Variants in PCSK5 observed in about 807,000 individuals in gnomAD.
PCSK5 encodes the protein prohormone convertase 5.
PCSK5 carries 129 observed loss-of-function variants against 233.2 expected under a neutral mutation model. The ratio of observed to expected loss-of-function variants is 0.55; its 90% confidence interval spans 0.48 to 0.64. The LOEUF (loss-of-function observed/expected upper bound fraction) is 0.64, where lower values mean the gene tolerates loss of function less well. Ranked by LOEUF, PCSK5 falls within the 30% of genes least tolerant of loss-of-function variation. The pLI is 0.00. For synonymous variants in PCSK5, 825 were observed against 879.2 expected (o/e 0.94, Z 1.09); for missense variants, 2,076 against 2,430.1 (o/e 0.85, Z 3.06).
At chr9:76,204,022 A>G (rs1228307089) in intron 20 of PCSK5, among the ~76,000 whole-genome samples, 1 of 152,236 alleles carries the variant, frequency 6.6e-6, no homozygotes, top group Admixed American at 6.5e-5. Context: ...ATGACAACCC[A>G]TAAAAGTACT....
At chr9:75,966,433 G>T (rs184413747) in intron 2 of PCSK5, among the ~76,000 whole-genome samples, 5 of 152,314 alleles carry the variant, frequency 3.3e-5, no homozygotes, top group Admixed American at 3.3e-4. Context: ...AACTTTTTAA[G>T]ATCTACTTAC....
At chr9:75,941,955 A>T (rs1824324645) in intron 2 of PCSK5, among the ~76,000 whole-genome samples, 1 of 152,246 alleles carries the variant, frequency 6.6e-6, no homozygotes, top group East Asian at 1.9e-4. Context: ...TAAATTATTT[A>T]AAAAATGATT....
In PCSK5 at chr9:75,993,158, A is replaced by G. The variant is rs187922193; in HGVS notation, c.411+6913A>G. ...GGAAATCGACCTTTTAAGACACCCC[A>G]TTTAGCTGTTTTAATTGAAAATGCA... On this transcript the variant is annotated intron_variant, in intron 3 of 37. Transcript: ENST00000674117. 2.0e-4 allele frequency among the ~76,000 whole-genome samples: 30 copies of G among 152,092 alleles called. No homozygotes were observed. The East Asian group carries it at 4.1e-3, about 21-fold the overall frequency.
intron 5 of PCSK5, among the ~76,000 whole-genome samples, chr9:76,053,459 T>C (rs10118874): frequency 0.32 from 47,953 of 152,146 alleles, 9,506 homozygotes; most frequent in African/African-American, 0.57. Context: ...ATTGCTTCGT[T>C]AGGCTGCAGA....
intron 5 of PCSK5, among the ~76,000 whole-genome samples, chr9:76,034,217 T>C (rs777146446): frequency 6.6e-6 from 1 of 152,028 alleles, no homozygotes; most frequent in Non-Finnish European, 1.5e-5. Context: ...TTCATACCAA[T>C]TAATTCCTCC....
intron 24 of PCSK5, among the ~76,000 whole-genome samples, chr9:76,261,932 A>G (rs1827186350): frequency 6.6e-6 from 1 of 152,200 alleles, no homozygotes; most frequent in Non-Finnish European, 1.5e-5. Flanking sequence ...TTCTAGATAT[A>G]CAATCATGTC....
intron 2 of PCSK5, among the ~76,000 whole-genome samples, chr9:75,940,137 G>A (rs1824232661): frequency 6.6e-6 from 1 of 152,172 alleles, no homozygotes; most frequent in Admixed American, 6.5e-5. Context: ...TCCAATCAAA[G>A]AGGCTTCACC....
In PCSK5 at chr9:76,308,638, C is replaced by T. The variant is rs368204950; in HGVS notation, c.3605-7C>T. On this transcript the variant is annotated splice_polypyrimidine_tract_variant and splice_region_variant and intron_variant, in intron 28 of 37. Transcript: ENST00000674117. ...GAAGCCTGAACTGTTGTTTCTTTCT[C>T]ATACAGATATTTTGAGAAAACTCCA... 284 of 1,556,386 alleles carry T rather than the reference C, an allele frequency of 1.8e-4. 2 individuals are homozygous for T. In the African/African-American group the frequency reaches 3.7e-3, roughly 20 times the overall value.
intron 10 of PCSK5, among the ~76,000 whole-genome samples, chr9:76,142,144 A>C (rs910336769): frequency 3.9e-5 from 6 of 151,934 alleles, no homozygotes; most frequent in Non-Finnish European, 7.4e-5. Flanking sequence ...AGTTAAAAAA[A>C]GTAATGTTTT....
chr9:76,123,080 G>A (rs1832710159), intron 9 of PCSK5, among the ~76,000 whole-genome samples: 1 of 152,022 alleles, frequency 6.6e-6, no homozygotes, highest in Admixed American at 6.6e-5. Context: ...CTGACCTCAA[G>A]TGATCCGCCC....
rs1286929664 is a variant in PCSK5 at position 76,328,134 on chromosome 9, G to A, written c.4465G>A (p.Asp1489Asn). The A allele has an allele frequency of 6.2e-6, 10 of 1,612,760 alleles. No homozygotes were observed. The Admixed American group carries it at 1.5e-4, about 24-fold the overall frequency. ...NEKCSPSEYWDEDAPGCKPCH... is the reference protein window; with the variant it reads ...NEKCSPSEYWNEDAPGCKPCH... ...GAAGTGCTCACCCTCCGAGTACTGG[G>A]ATGAGGATGCTCCCGGGTGCAAGCC... The change falls in exon 33 of 38, where the codon GAT (aspartate) becomes AAT (asparagine). Residue 1489 changes from aspartate (D) to asparagine (N), a missense_variant. Around this residue, in one of 6 missense-constraint regions of PCSK5, gnomAD observed 1,510 missense variants for 1,538.1 expected, o/e 0.98. Transcript: ENST00000674117.
chr9:76,295,432 A>G (rs1351139981), intron 26 of PCSK5, 21 bp downstream of exon 26: 1 of 1,609,950 alleles, frequency 6.2e-7, no homozygotes, highest in South Asian at 1.1e-5. Context: ...AAATGGCACC[A>G]TCCAAGCTAA....
At chr9:76,248,725 C>A (rs1826698349) in intron 24 of PCSK5, among the ~76,000 whole-genome samples, 1 of 152,186 alleles carries the variant, frequency 6.6e-6, no homozygotes, top group South Asian at 2.1e-4. Context: ...TTCCATAAAC[C>A]TGACATTATA....
At chr9:75,978,567 G>C (rs754687627) in intron 2 of PCSK5, among the ~76,000 whole-genome samples, 1 of 152,184 alleles carries the variant, frequency 6.6e-6, no homozygotes, top group Non-Finnish European at 1.5e-5. Flanking sequence ...GTCTAGCCTA[G>C]CTCTGGGCAC....
chr9:76,135,907 T>G (rs1247385535), intron 10 of PCSK5, among the ~76,000 whole-genome samples: 1 of 152,086 alleles, frequency 6.6e-6, no homozygotes, highest in African/African-American at 2.4e-5. Flanking sequence ...CTAACAAAAA[T>G]GCAGCTCTTC....
chr9:75,939,692 A>G (rs560309330), intron 2 of PCSK5, among the ~76,000 whole-genome samples: 1 of 152,366 alleles, frequency 6.6e-6, no homozygotes, highest in East Asian at 1.9e-4. Flanking sequence ...ATAAACTGCC[A>G]TTAAGTTAGA....
intron 24 of PCSK5, among the ~76,000 whole-genome samples, chr9:76,262,076 C>T (rs1827192444): frequency 6.6e-6 from 1 of 152,142 alleles, no homozygotes; most frequent in Non-Finnish European, 1.5e-5. Flanking sequence ...GCATCCCTGT[C>T]TTGTGCCAGT....
At chr9:76,053,314 T>C (rs957679401) in intron 5 of PCSK5, among the ~76,000 whole-genome samples, 24 of 152,196 alleles carry the variant, frequency 1.6e-4, no homozygotes, top group Non-Finnish European at 2.1e-4. Context: ...CAGCAAACTT[T>C]AGCCTGGACA....
intron 21 of PCSK5, among the ~76,000 whole-genome samples, chr9:76,231,821 G>A (rs928946710): frequency 1.3e-5 from 2 of 152,186 alleles, no homozygotes; most frequent in African/African-American, 2.4e-5. Context: ...CCAGATGTGT[G>A]TGAGTGTCTG....
Sources: allele counts gnomAD v4.1 joint callset (sites outside exome capture counted in the v4.1 genomes callset), GRCh38; gene constraint gnomAD v4.1.1; regional missense constraint gnomAD v4.1.1; transcripts MANE v1.5; gene names NCBI Gene and HGNC (gene_info 2026-07-23, HGNC 2026-07-21).